MPRIP: variants seen among roughly 807,000 people sequenced by gnomAD.
MPRIP encodes myosin phosphatase Rho interacting protein.
MPRIP carries 59 observed loss-of-function variants against 234.9 expected under a neutral mutation model. The observed-to-expected ratio is 0.25, with a 90% CI of 0.20 to 0.31. MPRIP has a LOEUF of 0.31. MPRIP is among the 10% of genes least tolerant of loss of function. The probability of loss-of-function intolerance (pLI) is 1.00; values close to 1 mark genes in which losing one functional copy is unlikely to be tolerated. For synonymous variants in MPRIP, 1,144 were observed against 1,263.9 expected (o/e 0.91, Z 2.01); for missense variants, 2,436 against 3,071.0 (o/e 0.79, Z 4.89).
chr17:17,078,787 T>A lies in MPRIP; in HGVS notation c.267+711T>A, dbSNP rs928343932. ...TTCTCTAAAGGAGATTAGTCTCTCCTAATTAATCTAAAGTAGGACTGCATT... is the reference window on the plus strand; with the variant it reads ...TTCTCTAAAGGAGATTAGTCTCTCCAAATTAATCTAAAGTAGGACTGCATT... On this transcript the variant is annotated intron_variant, in intron 3 of 23. Transcript: ENST00000651222. This position sits in a 1 kb window ranked among gnomAD's most constrained non-coding sequence, Gnocchi z 4.3. 6.6e-6 allele frequency among the ~76,000 whole-genome samples: 1 copy of A among 152,250 alleles called. No homozygotes were observed. Among genetic ancestry groups the A allele is most frequent in the Non-Finnish European group, 1.5e-5 (1 of 68,048 alleles).
At chr17:17,174,450 C>T (rs1241586387) in intron 19 of MPRIP, among the ~76,000 whole-genome samples, 4 of 152,260 alleles carry the variant, frequency 2.6e-5, no homozygotes, top group African/African-American at 9.6e-5. Flanking sequence ...CATCCCAATC[C>T]TCCAGGATCC....
chr17:17,046,245 A>G (rs929081924), intron 1 of MPRIP, among the ~76,000 whole-genome samples: 19 of 152,196 alleles, frequency 1.2e-4, no homozygotes, highest in African/African-American at 4.1e-4. Flanking sequence ...CATTTTGCAT[A>G]TTAGGCCTTT....
rs1247743809 is a variant in MPRIP, at chr17:17,174,031, C to T, written c.6706C>T (p.Arg2236Trp). 7 of 1,613,418 alleles carry T rather than the reference C, an allele frequency of 4.3e-6. No homozygotes were observed. Among genetic ancestry groups the T allele is most frequent in the East Asian group, 4.5e-5 (2 of 44,886 alleles). The stretch of plus-strand genomic sequence containing the variant: ...GCTGGAGGCCGAGCGGCAGGCCCTG[C>T]GGCAGTGCCAGCGTGAGAACCAGGA... ...QALEAERQAL[R>W]QCQRENQELN... Residue 2236 changes from arginine to tryptophan, a missense_variant, in exon 19 of 24, where the codon CGG (arginine) becomes TGG (tryptophan). Transcript: ENST00000651222.
intron 1 of MPRIP, among the ~76,000 whole-genome samples, chr17:17,044,026 T>C (rs998380193): frequency 1.3e-5 from 2 of 152,172 alleles, no homozygotes; most frequent in African/African-American, 4.8e-5. Context: ...TTAATGCCAC[T>C]TCAGTGCACC....
chr17:17,168,635 G>A (rs2046060083), intron 16 of MPRIP: 1 of 351,226 alleles, frequency 2.8e-6, no homozygotes, highest in Non-Finnish European at 5.6e-6. Context: ...CCAGCTGTCT[G>A]GCCCCACCCT....
At chr17:17,177,685 T>G (rs888948090) in intron 22 of MPRIP, among the ~76,000 whole-genome samples, 4 of 152,192 alleles carry the variant, frequency 2.6e-5, no homozygotes, top group Admixed American at 1.3e-4. Flanking sequence ...CTTATTTTTC[T>G]AAAGAACTCA....
At chr17:17,157,511 G>A (rs2045754909) in intron 13 of MPRIP, among the ~76,000 whole-genome samples, 1 of 152,200 alleles carries the variant, frequency 6.6e-6, no homozygotes, top group Admixed American at 6.5e-5. Flanking sequence ...TGATCCATCT[G>A]TCATGCCAGC....
intron 3 of MPRIP, among the ~76,000 whole-genome samples, chr17:17,121,401 G>T (rs2090385763): frequency 1.3e-5 from 2 of 152,254 alleles, no homozygotes; most frequent in African/African-American, 4.8e-5. Context: ...GTGCATGACT[G>T]CACCTAGCTT....
At chr17:17,044,585 T>G (rs1415554750) in intron 1 of MPRIP, among the ~76,000 whole-genome samples, 4 of 152,238 alleles carry the variant, frequency 2.6e-5, no homozygotes. Flanking sequence ...AAGAAGTTTC[T>G]GGGCAAGGGT....
intron 3 of MPRIP, chr17:17,096,764 C>T (rs1259847263): frequency 2.1e-6 from 1 of 471,092 alleles, no homozygotes; most frequent in Non-Finnish European, 4.4e-6. Flanking sequence ...TTTCCTCACT[C>T]CAGATGTCTT....
At chr17:17,152,032 CTG>C (rs2045613378) in intron 12 of MPRIP, among the ~76,000 whole-genome samples, 1 of 152,246 alleles carries the variant, frequency 6.6e-6, no homozygotes, top group Non-Finnish European at 1.5e-5. Context: ...TTAGAGGAGA[CTG>C]AAGTATAGAC....
rs938278753 is a variant in MPRIP, at chr17:17,112,722, G to T, written c.268-13980G>T. ...AGGACAGCCTCCTGAGGACAGGGCT[G>T]CAACTGGGCTGTGGGTTGGTGCCAC... On this transcript the variant is annotated intron_variant, in intron 3 of 23. Transcript: ENST00000651222. Among the ~76,000 whole-genome samples, 9 of 152,252 alleles carry T rather than the reference G, an allele frequency of 5.9e-5. No homozygotes were observed. The East Asian group carries it at 1.7e-3, about 29-fold the overall frequency.
intron 13 of MPRIP, among the ~76,000 whole-genome samples, chr17:17,157,492 C>G (rs1161126041): frequency 6.6e-6 from 1 of 152,170 alleles, no homozygotes; most frequent in Non-Finnish European, 1.5e-5. Flanking sequence ...AGGTCCCAGT[C>G]TTTCATACTG....
chr17:17,140,259 GCTT>G (rs1170136859), intron 7 of MPRIP, among the ~76,000 whole-genome samples: 2 of 152,146 alleles, frequency 1.3e-5, no homozygotes, highest in Non-Finnish European at 2.9e-5. Context: ...GCTTGGCTTG[GCTT>G]CTTCTCGGAG....
intron 15 of MPRIP, among the ~76,000 whole-genome samples, chr17:17,162,349 C>G (rs1031194649): frequency 1.3e-5 from 2 of 152,202 alleles, no homozygotes; most frequent in Non-Finnish European, 2.9e-5. Context: ...ATTTGCAGAC[C>G]GCAGTGCGCT....
intron 1 of MPRIP, among the ~76,000 whole-genome samples, chr17:17,068,005 G>A (rs534629379): frequency 4.9e-4 from 75 of 151,964 alleles, no homozygotes; most frequent in Non-Finnish European, 9.0e-4. Flanking sequence ...TGTCAAATTA[G>A]TGTTGGTAGA....
At chr17:17,091,866 C>T (rs2089726498) in intron 3 of MPRIP, among the ~76,000 whole-genome samples, 3 of 152,210 alleles carry the variant, frequency 2.0e-5, no homozygotes, top group African/African-American at 7.2e-5. Context: ...ATTTGTGCTC[C>T]ACGAGAAAAG....
At position 17,043,078 on chromosome 17, in the gene MPRIP, C is replaced by A. The variant is rs2088230192; in HGVS notation, c.123+107C>A. On this transcript the variant is annotated intron_variant, in intron 1 of 23. Coordinates refer to ENST00000651222, the MANE Select transcript of MPRIP (RefSeq NM_001364716.4). ...AAAATAAAAATGGAGCAGGGAAATG[C>A]GCGAGTCCTGGGGCATGGGGACGGG... 4 of 1,118,552 alleles carry A rather than the reference C, an allele frequency of 3.6e-6. No homozygotes were observed. The Admixed American group carries it at 6.7e-5, about 19-fold the overall frequency. 69.3% of individuals were successfully genotyped at this position (1,118,552 alleles called of 1,614,324 possible). A position where few individuals can be genotyped will look rare whatever the true frequency, so the allele number is the denominator to read the frequency against.
intron 13 of MPRIP, among the ~76,000 whole-genome samples, chr17:17,155,745 T>G (rs572548319): frequency 6.6e-6 from 1 of 152,242 alleles, no homozygotes; most frequent in South Asian, 2.1e-4. Flanking sequence ...CCTCTGTCTC[T>G]CAGGATCCTA....
Sources: gnomAD v4.1 joint callset for allele counts (sites outside exome capture counted in the v4.1 genomes callset) on GRCh38, gnomAD v4.1.1 for gene constraint, Gnocchi (gnomAD v3.1) non-coding constraint, MANE v1.5 for transcripts, NCBI Gene and HGNC (gene_info 2026-07-23, HGNC 2026-07-21) for gene names.